The following BRAF variants were observed in gnomAD, a reference collection of about 807,000 sequenced individuals.
The protein encoded by BRAF is B-Raf proto-oncogene, serine/threonine kinase.
A neutral mutation model predicts 104.6 loss-of-function variants in BRAF; 16 were observed. That is an observed-to-expected ratio of 0.15 (90% CI 0.10 to 0.23). BRAF has a LOEUF of 0.23. Ranked by LOEUF, BRAF falls within the 10% of genes least tolerant of loss-of-function variation. BRAF has a pLI of 1.00. For missense variants in BRAF, 541 were observed against 937.3 expected, an observed-to-expected ratio of 0.58 and a Z score of 5.52; for synonymous variants, 310 against 341.6, an observed-to-expected ratio of 0.91 and a Z score of 1.02.
At chr7:140,719,012 C>CAT, downstream of BRAF, among the ~76,000 whole-genome samples, 1 of 152,312 alleles carries the variant, frequency 6.6e-6, no homozygotes, top group South Asian at 2.1e-4. Context: ...AAGTAGAGCA[C>CAT]ATACTCCAAC....
At chr7:140,732,780 G>T (rs1412826913) in intron 19 of BRAF, 2 of 152,352 alleles carry the variant, frequency 1.3e-5, no homozygotes, top group African/African-American at 4.8e-5. Context: ...GGAAATTATA[G>T]AAGGAGCTCT....
At chr7:140,809,401 C>A (rs1803988612) in intron 3 of BRAF, among the ~76,000 whole-genome samples, 1 of 152,134 alleles carries the variant, frequency 6.6e-6, no homozygotes, top group South Asian at 2.1e-4. Context: ...CACTGACTGT[C>A]CTTAAGAGAC....
At chr7:140,754,774 G>A (rs374272888) in intron 14 of BRAF, among the ~76,000 whole-genome samples, 6 of 152,048 alleles carry the variant, frequency 3.9e-5, no homozygotes, top group South Asian at 2.1e-4. Flanking sequence ...TTTTTTCAAC[G>A]TGCCTATGTT....
chr7:140,722,253 G>C lies in BRAF; in HGVS notation c.*4241C>G, dbSNP rs2130821282. ...AATTTTGTTCACTGAAAATTTACCT[G>C]TGTGTTTTCTCATTGTTAAATGTGA... On this transcript the variant is annotated 3_prime_UTR_variant, in exon 20 of 20. Transcript: ENST00000644969. 1 of 1,056,032 alleles carries C rather than the reference G, an allele frequency of 9.5e-7. No homozygotes were observed. Among genetic ancestry groups the C allele is most frequent in the African/African-American group, 1.6e-5 (1 of 60,724 alleles). The allele number at this position is 1,056,032 out of a possible 1,614,324, so 65.4% of individuals were successfully genotyped here.
At chr7:140,786,645 A>C (rs1267311012) in intron 9 of BRAF, among the ~76,000 whole-genome samples, 2 of 152,238 alleles carry the variant, frequency 1.3e-5, no homozygotes, top group African/African-American at 4.8e-5. Flanking sequence ...TACTGACCTA[A>C]GAAGAGGACA....
At chr7:140,871,606 A>C (rs896960929) in intron 1 of BRAF, among the ~76,000 whole-genome samples, 1 of 152,168 alleles carries the variant, frequency 6.6e-6, no homozygotes, top group South Asian at 2.1e-4. Flanking sequence ...CCTAAAAAAA[A>C]CCAAGAGCAT....
At chr7:140,739,771 TGTTA>T in intron 18 of BRAF, 37 bp downstream of exon 17, 1 of 1,609,606 alleles carries the variant, frequency 6.2e-7, no homozygotes, top group Admixed American at 1.7e-5. Flanking sequence ...TGTCTATGAA[TGTTA>T]GTCTGTTCTT....
chr7:140,805,353 TA>T (rs1803553675), intron 5 of BRAF, among the ~76,000 whole-genome samples: 2 of 152,222 alleles, frequency 1.3e-5, no homozygotes, highest in South Asian at 4.1e-4. Flanking sequence ...CAAGAAATTT[TA>T]AAATCTTTAA....
chr7:140,869,130 C>T (rs1296910672), intron 1 of BRAF, among the ~76,000 whole-genome samples: 2 of 152,036 alleles, frequency 1.3e-5, no homozygotes, highest in African/African-American at 2.4e-5. Flanking sequence ...TAAAATATCC[C>T]GGGAGGCACA....
intron 1 of BRAF, among the ~76,000 whole-genome samples, chr7:140,872,244 T>TAAATAAAC (rs879942849): frequency 1.3e-5 from 2 of 151,224 alleles, no homozygotes; most frequent in African/African-American, 4.9e-5. Context: ...AATAAATAAA[T>TAAATAAAC]TGCACAGAAC....
intron 1 of BRAF, among the ~76,000 whole-genome samples, chr7:140,882,141 A>G (rs1455324543): frequency 6.6e-6 from 1 of 152,232 alleles, no homozygotes; most frequent in African/African-American, 2.4e-5. Flanking sequence ...AAACAAAGTA[A>G]GCCTATAATT....
chr7:140,839,013 A>C (rs910167281), intron 2 of BRAF, among the ~76,000 whole-genome samples: 1 of 152,264 alleles, frequency 6.6e-6, no homozygotes, highest in Non-Finnish European at 1.5e-5. Context: ...CAATAGAACA[A>C]GAAATAAAAC....
intron 1 of BRAF, among the ~76,000 whole-genome samples, chr7:140,879,185 A>G (rs1441806706): frequency 2.6e-5 from 4 of 151,400 alleles, no homozygotes; most frequent in Non-Finnish European, 5.9e-5. Flanking sequence ...GCCATAATTT[A>G]TTTTATTTTA....
chr7:140,740,036 C>T (rs1796779275), intron 17 of BRAF, 90 bp from the exon 17 acceptor site: 3 of 1,333,582 alleles, frequency 2.2e-6, no homozygotes, highest in African/African-American at 1.4e-5. Flanking sequence ...ATAAGCTGTA[C>T]ATTTACAGCT....
chr7:140,717,388 TC>T (rs149273298), downstream of BRAF, among the ~76,000 whole-genome samples: 7,572 of 151,862 alleles, frequency 0.05, 231 homozygotes, highest in Non-Finnish European at 0.069. Flanking sequence ...TCAAGCAGTC[TC>T]CCCCGACCTC....
intron 13 of BRAF, 60 bp from the exon 13 acceptor site, chr7:140,777,148 A>G (rs1800414994): frequency 1.3e-6 from 2 of 1,547,728 alleles, no homozygotes; most frequent in African/African-American, 2.7e-5. Flanking sequence ...AATTCTTACA[A>G]AAGAGAACCA....
intron 19 of BRAF, among the ~76,000 whole-genome samples, chr7:140,727,539 A>T (rs1795673790): frequency 6.6e-6 from 1 of 152,146 alleles, no homozygotes; most frequent in Non-Finnish European, 1.5e-5. Flanking sequence ...ACTAAAGGCC[A>T]ATTCCTGTTA....
chr7:140,801,300 A>G, intron 6 of BRAF, 112 bp downstream of exon 6: 1 of 1,257,748 alleles, frequency 8.0e-7, no homozygotes, highest in Non-Finnish European at 1.1e-6. Context: ...AATTCTCTAT[A>G]ACAATCGTAT....
In BRAF at chr7:140,723,712, A is replaced by G. The variant is rs1448686231; in HGVS notation, c.*2782T>C. ...TCAGAAGGCTTCACCTCTCCCTACC[A>G]AAAATAAAACACACTACAGAAGGCA... On this transcript the variant is annotated 3_prime_UTR_variant, in exon 20 of 20. Transcript: ENST00000644969. 1.9e-6 allele frequency: 2 copies of G among 1,051,024 alleles called. No homozygotes were observed. The highest frequency in any genetic ancestry group is 1.7e-5 in the African/African-American group (1 of 60,310). 65.1% of individuals were successfully genotyped at this position (1,051,024 alleles called of 1,614,324 possible).
Sources: allele counts gnomAD v4.1 joint callset (sites outside exome capture counted in the v4.1 genomes callset), GRCh38; gene constraint gnomAD v4.1.1; transcripts MANE v1.5; gene names NCBI Gene and HGNC (gene_info 2026-07-23, HGNC 2026-07-21).